Variants in SLFN12L observed in about 807,000 individuals in gnomAD.
The protein encoded by SLFN12L is schlafen family member 12 like.
A neutral mutation model predicts 34.8 loss-of-function variants in SLFN12L; 34 were observed. That is an observed-to-expected ratio of 0.98 (90% CI 0.74 to 1.30). The LOEUF (loss-of-function observed/expected upper bound fraction) is 1.30. SLFN12L is among the 50% of genes most tolerant of loss of function. The probability of loss-of-function intolerance (pLI) is 0.00; values close to 1 mark genes in which losing one functional copy is unlikely to be tolerated. For missense variants in SLFN12L, 703 were observed against 696.2 expected (o/e 1.01, Z -0.11); for synonymous variants, 259 against 247.5 (o/e 1.05, Z -0.44).
At chr17:35,520,163 G>GCCTGGAGA (rs1442011258) in intron 2 of SLFN12L, among the ~76,000 whole-genome samples, 40 of 152,254 alleles carry the variant, frequency 2.6e-4, no homozygotes, top group Admixed American at 5.9e-4. Flanking sequence ...ACAAACACTG[G>GCCTGGAGA]CCTGGAGATA....
chr17:35,535,101 T>C (rs1030657038), intron 1 of SLFN12L, among the ~76,000 whole-genome samples: 2 of 152,124 alleles, frequency 1.3e-5, no homozygotes, highest in Non-Finnish European at 1.5e-5. Context: ...GGGGGACATA[T>C]TCAGAGTCAT....
At chr17:35,513,675 G>A in intron 2 of SLFN12L, among the ~76,000 whole-genome samples, 1 of 152,190 alleles carries the variant, frequency 6.6e-6, no homozygotes, top group Non-Finnish European at 1.5e-5. Context: ...CAGGTCTTCA[G>A]TCACAAGGTC....
At chr17:35,519,787 CT>C (rs915301592) in intron 2 of SLFN12L, among the ~76,000 whole-genome samples, 10 of 152,282 alleles carry the variant, frequency 6.6e-5, no homozygotes, top group Admixed American at 5.2e-4. Flanking sequence ...TGTGGTCTTC[CT>C]CTTGAAAATC....
At chr17:35,498,534 C>A in intron 2 of SLFN12L, 2 of 1,297,192 alleles carry the variant, frequency 1.5e-6, no homozygotes, top group Non-Finnish European at 2.2e-6. Flanking sequence ...CCATCTCAGC[C>A]TGGTCCAGAA....
intron 4 of SLFN12L, 169 bp downstream of exon 4, chr17:35,477,906 G>T: frequency 4.0e-6 from 2 of 503,400 alleles, no homozygotes; most frequent in Non-Finnish European, 7.1e-6. Flanking sequence ...CCCTACTTAG[G>T]CACCTAAAGA....
chr17:35,477,962 C>T (rs766919331), intron 4 of SLFN12L, 113 bp downstream of exon 4: 1 of 677,368 alleles, frequency 1.5e-6, no homozygotes, highest in Non-Finnish European at 2.4e-6. Context: ...AAAGAATTTC[C>T]ATAAACAAAA....
intron 2 of SLFN12L, among the ~76,000 whole-genome samples, chr17:35,522,024 A>G (rs1916011523): frequency 1.3e-5 from 2 of 152,108 alleles, no homozygotes; most frequent in South Asian, 4.1e-4. Flanking sequence ...ATGTTAAATG[A>G]CGAGTTGATG....
intron 1 of SLFN12L, among the ~76,000 whole-genome samples, chr17:35,535,991 G>T (rs564351257): frequency 1.8e-4 from 27 of 148,860 alleles, no homozygotes; most frequent in African/African-American, 6.4e-4. Flanking sequence ...TTGTTTGTTT[G>T]TTTGTTTTGT....
In SLFN12L at chr17:35,465,116, G is replaced by C. The variant is rs903286440; in HGVS notation, c.*9807C>G. Reference sequence around the variant, plus strand: ...GCTGGTCTCGAACTCCTGGCCTCAAGTGATCCGCCTGTCTCGGCCTCCCAA... The same window carrying C: ...GCTGGTCTCGAACTCCTGGCCTCAACTGATCCGCCTGTCTCGGCCTCCCAA... On this transcript the variant is annotated 3_prime_UTR_variant, in exon 5 of 5. Coordinates refer to ENST00000628453, the MANE Select transcript of SLFN12L (RefSeq NM_001363830.2). Among the ~76,000 whole-genome samples, 2 of 152,184 alleles carry C rather than the reference G, an allele frequency of 1.3e-5. No homozygotes were observed. Among genetic ancestry groups the C allele is most frequent in the African/African-American group, 4.8e-5 (2 of 41,444 alleles).
In SLFN12L at chr17:35,490,951, G is replaced by C; in HGVS notation, c.87-10756C>G. The C allele has an allele frequency of 5.1e-6, 4 of 785,612 alleles. No individual in the cohort carries two copies. In the Admixed American group the frequency reaches 6.9e-5, roughly 14 times the overall value. 48.7% of individuals were successfully genotyped at this position (785,612 alleles called of 1,614,324 possible). A position where few individuals can be genotyped will look rare whatever the true frequency, so the allele number is the denominator to read the frequency against. Reference sequence around the variant, plus strand: ...GGAATATCCTTAAACCCACCTCGTTGGTTTCAACCAACTCAGGACATAGCG... The same window carrying C: ...GGAATATCCTTAAACCCACCTCGTTCGTTTCAACCAACTCAGGACATAGCG... On this transcript the variant is annotated intron_variant, in intron 2 of 4. Transcript: ENST00000628453.
chr17:35,498,210 T>G, intron 2 of SLFN12L: 1 of 307,836 alleles, frequency 3.2e-6, no homozygotes, highest in East Asian at 3.7e-5. Context: ...CCTGGGATGT[T>G]CAGTCATGAA....
At chr17:35,493,452 G>C (rs1344412824) in intron 2 of SLFN12L, among the ~76,000 whole-genome samples, 2 of 152,166 alleles carry the variant, frequency 1.3e-5, no homozygotes, top group Non-Finnish European at 2.9e-5. Context: ...GAGCTCACCT[G>C]GCTAGATTGT....
rs1373456623 is a variant in SLFN12L at position 35,465,229 on chromosome 17, T to C, written c.*9694A>G. 3.3e-5 allele frequency among the ~76,000 whole-genome samples: 5 copies of C among 152,182 alleles called. No homozygotes were observed. Among genetic ancestry groups the C allele is most frequent in the African/African-American group, 4.8e-5 (2 of 41,448 alleles). ...TTAACATTTGCCAAAATGCACCAAT[T>C]GAGAAACCTCGTGGACTTAATAAAT... is the stretch of plus-strand genomic sequence containing the variant. On this transcript the variant is annotated 3_prime_UTR_variant, in exon 5 of 5. Transcript: ENST00000628453.
At chr17:35,478,991 G>T in intron 3 of SLFN12L, 126 bp downstream of exon 3, 1 of 676,546 alleles carries the variant, frequency 1.5e-6, no homozygotes, top group Non-Finnish European at 2.5e-6. Context: ...GGGAAGTATT[G>T]GTTGTATCCA....
At chr17:35,512,016 G>A (rs993294222) in intron 2 of SLFN12L, among the ~76,000 whole-genome samples, 2 of 152,066 alleles carry the variant, frequency 1.3e-5, no homozygotes, top group Admixed American at 6.5e-5. Context: ...GTTTTGTTTT[G>A]TTTTTCTGTT....
intron 1 of SLFN12L, among the ~76,000 whole-genome samples, chr17:35,525,963 C>T (rs774458153): frequency 1.6e-4 from 25 of 152,206 alleles, no homozygotes; most frequent in South Asian, 4.2e-4. Context: ...TCAGGAGACC[C>T]ACCTCACGTG....
chr17:35,528,780 T>C (rs1197834001), intron 1 of SLFN12L, among the ~76,000 whole-genome samples: 1 of 152,176 alleles, frequency 6.6e-6, no homozygotes, highest in African/African-American at 2.4e-5. Context: ...GACATAGGCA[T>C]TGGCAAAGAC....
At position 35,522,533 on chromosome 17, in the gene SLFN12L, A is replaced by G; in HGVS notation, c.-169T>C. 1.1e-5 allele frequency: 17 copies of G among 1,612,196 alleles called. No homozygotes were observed. The highest frequency in any genetic ancestry group is 1.4e-5 in the Non-Finnish European group (17 of 1,179,012). On this transcript the variant is annotated 5_prime_UTR_variant, in exon 2 of 5. Coordinates refer to ENST00000628453, the MANE Select transcript of SLFN12L (RefSeq NM_001363830.2). The stretch of plus-strand genomic sequence containing the variant: ...AGAGAGACCTGAAGCCGAGCAAGAC[A>G]ATCACGAGGGACTGCAGCAGGGCTT...
intron 2 of SLFN12L, chr17:35,498,449 G>A (rs940766499): frequency 3.1e-6 from 4 of 1,310,900 alleles, no homozygotes; most frequent in Non-Finnish European, 4.4e-6. Flanking sequence ...GACGACTGCG[G>A]AATTTTCTCA....
Sources: allele counts gnomAD v4.1 joint callset (sites outside exome capture counted in the v4.1 genomes callset), GRCh38; gene constraint gnomAD v4.1.1; transcripts MANE v1.5; gene names NCBI Gene and HGNC (gene_info 2026-07-23, HGNC 2026-07-21).